AKAP6: variants seen among roughly 807,000 people sequenced by gnomAD.
The protein encoded by AKAP6 is A-kinase anchoring protein 6.
In AKAP6, 58 loss-of-function variants were observed where a neutral mutation model predicts 188.5. The observed-to-expected ratio is 0.31, with a 90% CI of 0.25 to 0.38. The LOEUF is 0.38. Ranked by LOEUF, AKAP6 falls within the 10% of genes least tolerant of loss-of-function variation. The pLI is 1.00. For synonymous variants in AKAP6, 989 were observed against 998.6 expected (o/e 0.99, Z 0.18); for missense variants, 2,710 against 2,740.0 (o/e 0.99, Z 0.24).
At chr14:32,690,458 C>T (rs1407114657) in intron 8 of AKAP6, among the ~76,000 whole-genome samples, 2 of 152,120 alleles carry the variant, frequency 1.3e-5, no homozygotes, top group African/African-American at 4.8e-5. Context: ...ATTTCTTAAA[C>T]TATGCTGGCC....
chr14:32,641,866 A>G (rs1887771631), intron 7 of AKAP6, among the ~76,000 whole-genome samples: 1 of 152,180 alleles, frequency 6.6e-6, no homozygotes, highest in Non-Finnish European at 1.5e-5. Flanking sequence ...TAATGTGGAA[A>G]GAGAAAAAAA....
intron 5 of AKAP6, among the ~76,000 whole-genome samples, chr14:32,582,031 G>C (rs1456706285): frequency 6.6e-6 from 1 of 151,578 alleles, no homozygotes; most frequent in East Asian, 1.9e-4. Flanking sequence ...ATTTGATCCT[G>C]TCATTATGAT....
chr14:32,808,744 A>C (rs1333632465), intron 12 of AKAP6, among the ~76,000 whole-genome samples: 1 of 152,050 alleles, frequency 6.6e-6, no homozygotes, highest in Admixed American at 6.5e-5. Flanking sequence ...CGATGTGTTG[A>C]ATTTTGTTTC....
chr14:32,729,703 A>G (rs1392526473), intron 9 of AKAP6, among the ~76,000 whole-genome samples: 3 of 152,100 alleles, frequency 2.0e-5, no homozygotes, highest in Admixed American at 2.0e-4. Flanking sequence ...AGTATATTTT[A>G]TTTTTGACTA....
intron 9 of AKAP6, among the ~76,000 whole-genome samples, chr14:32,697,526 C>A (rs1205792729): frequency 2.0e-5 from 3 of 152,074 alleles, no homozygotes; most frequent in Admixed American, 2.0e-4. Context: ...ATATAAATCT[C>A]TATTAATTTA....
Position 32,401,664 on chromosome 14 carries a change from T to C in AKAP6, c.-34-31796T>C, listed in dbSNP as rs150754675. Among the ~76,000 whole-genome samples the C allele has an allele frequency of 3.0e-3, 459 of 152,358 alleles. 3 individuals are homozygous for C. The highest frequency in any genetic ancestry group is 0.01 in the African/African-American group (418 of 41,582). On this transcript the variant is annotated intron_variant, in intron 1 of 13. Transcript: ENST00000280979. Reference sequence around the variant, plus strand: ...TCGTCTTCCTTATATTCTCTTTTTATATATTGCTGTTTTCTGGCAACCCTA... The same window carrying C: ...TCGTCTTCCTTATATTCTCTTTTTACATATTGCTGTTTTCTGGCAACCCTA...
intron 2 of AKAP6, among the ~76,000 whole-genome samples, chr14:32,522,029 A>G (rs1881864387): frequency 6.6e-6 from 1 of 152,212 alleles, no homozygotes; most frequent in Non-Finnish European, 1.5e-5. Context: ...TTCAGAAATA[A>G]TACCACACAT....
chr14:32,434,497 C>T (rs1260621907), intron 2 of AKAP6, among the ~76,000 whole-genome samples: 1 of 152,170 alleles, frequency 6.6e-6, no homozygotes, highest in Non-Finnish European at 1.5e-5. Context: ...CTCGCCCTGC[C>T]ATAGTCACTC....
intron 1 of AKAP6, among the ~76,000 whole-genome samples, chr14:32,406,092 A>G (rs1486785696): frequency 2.0e-5 from 3 of 152,224 alleles, no homozygotes; most frequent in African/African-American, 7.2e-5. Flanking sequence ...GAATGGTTCT[A>G]GACCCTTAGA....
intron 9 of AKAP6, among the ~76,000 whole-genome samples, chr14:32,703,106 C>T (rs1033756897): frequency 3.3e-5 from 5 of 151,986 alleles, no homozygotes; most frequent in African/African-American, 9.7e-5. Flanking sequence ...AAACTATCTG[C>T]CCTAATGCAA....
intron 9 of AKAP6, chr14:32,726,127 A>G (rs2030860761): frequency 2.1e-6 from 2 of 949,292 alleles, no homozygotes; most frequent in Non-Finnish European, 2.5e-6. Context: ...ACACTAGAAA[A>G]TAGTTATTTT....
intron 12 of AKAP6, among the ~76,000 whole-genome samples, chr14:32,811,057 G>A (rs1339483470): frequency 6.6e-6 from 1 of 151,840 alleles, no homozygotes; most frequent in African/African-American, 2.4e-5. Context: ...GGCTAACATG[G>A]AGAAACCCCG....
intron 5 of AKAP6, among the ~76,000 whole-genome samples, chr14:32,587,723 A>G (rs1885312802): frequency 1.3e-5 from 2 of 152,158 alleles, no homozygotes; most frequent in South Asian, 2.1e-4. Flanking sequence ...TGTCTGTCCT[A>G]GTTTCCCCTA....
chr14:32,822,939 A>G lies in AKAP6; in HGVS notation c.5126A>G (p.Asn1709Ser), dbSNP rs1482433663. 6.2e-7 allele frequency: 1 copy of G among 1,613,948 alleles called. No homozygotes were observed. The highest frequency in any genetic ancestry group is 8.5e-7 in the Non-Finnish European group (1 of 1,179,922). Residue 1709 changes from asparagine to serine, a missense_variant, in exon 13 of 14, where the codon AAC becomes AGC. Around this residue, in one of 2 missense-constraint regions of AKAP6, gnomAD observed 2,473 missense variants for 2,426.1 expected, o/e 1.02. Coordinates refer to ENST00000280979, the MANE Select transcript of AKAP6 (RefSeq NM_004274.5). ...TCAGAGGATATTGTGTTACACAAGA[A>G]CAAGATCCCGGAATCGAATGCATCG... is the stretch of plus-strand genomic sequence containing the variant. ...LCSEDIVLHK[N>S]KIPESNASFR... is the part of the protein sequence containing the mutation.
intron 12 of AKAP6, among the ~76,000 whole-genome samples, chr14:32,794,708 T>A (rs1184422472): frequency 6.6e-6 from 1 of 152,098 alleles, no homozygotes; most frequent in African/African-American, 2.4e-5. Context: ...GATCTCAGGT[T>A]AACAACCTAG....
chr14:32,596,973 A>G (rs571482224), intron 5 of AKAP6, among the ~76,000 whole-genome samples: 2 of 152,256 alleles, frequency 1.3e-5, no homozygotes, highest in East Asian at 1.9e-4. Flanking sequence ...TTAATGGTTA[A>G]TGGGTGCACC....
intron 11 of AKAP6, among the ~76,000 whole-genome samples, chr14:32,763,858 A>G (rs1176659925): frequency 6.6e-6 from 1 of 152,156 alleles, no homozygotes; most frequent in Non-Finnish European, 1.5e-5. Context: ...TCATTTGCCT[A>G]TATTTTCTTT....
rs1464506214 is a variant in AKAP6 at position 32,695,998 on chromosome 14, A to G, written c.2888A>G (p.Asp963Gly). The change falls in exon 9 of 14, where the codon GAC (aspartate) becomes GGC (glycine). Residue 963 changes from aspartate to glycine, a missense_variant. Physicochemically the swap from Asp to Gly is moderately conservative, Grantham distance 94 (BLOSUM62 -1). Coordinates refer to ENST00000280979, the MANE Select transcript of AKAP6 (RefSeq NM_004274.5). ...TTGCGCCTTATCTTCAGGCTTCTGG[A>G]CTTTGATTCAGAATATCAGGAGCTC... ...VHSVGSNGLL[D>G]FDSEYQELWD... is the part of the protein sequence containing the mutation. 4 of 1,612,646 alleles carry G rather than the reference A, an allele frequency of 2.5e-6. No individual in the cohort carries two copies. In the East Asian group the frequency reaches 8.9e-5, roughly 36 times the overall value.
intron 1 of AKAP6, among the ~76,000 whole-genome samples, chr14:32,429,137 C>T (rs562181712): frequency 8.4e-4 from 128 of 152,284 alleles, no homozygotes; most frequent in East Asian, 1.7e-3. Flanking sequence ...AGTTGTAACT[C>T]GGTAGGCACC....
Sources: allele counts gnomAD v4.1 joint callset (sites outside exome capture counted in the v4.1 genomes callset), GRCh38; gene constraint gnomAD v4.1.1; regional missense constraint gnomAD v4.1.1; transcripts MANE v1.5; gene names NCBI Gene and HGNC (gene_info 2026-07-23, HGNC 2026-07-21).